The following CFAP92 variants were observed in gnomAD, a reference collection of about 807,000 sequenced individuals.
CFAP92 encodes cilia and flagella associated protein 92 (putative).
Under a neutral mutation model 106.3 loss-of-function variants are expected in CFAP92, and 86 were observed. The ratio of observed to expected loss-of-function variants is 0.81; its 90% CI spans 0.68 to 0.97. The LOEUF (loss-of-function observed/expected upper bound fraction) is 0.97, where lower values mean the gene tolerates loss of function less well. CFAP92 is among the 50% of genes least tolerant of loss of function. The pLI, the probability that CFAP92 is intolerant of heterozygous loss-of-function variation, is 0.00. For missense variants in CFAP92, 1,204 were observed against 1,283.8 expected (o/e 0.94, Z 0.95); for synonymous variants, 477 against 506.4 (o/e 0.94, Z 0.78).
chr3:128,929,785 T>C (rs1452377081), intron 12 of CFAP92, among the ~76,000 whole-genome samples: 1 of 152,352 alleles, frequency 6.6e-6, no homozygotes, highest in East Asian at 1.9e-4. Flanking sequence ...AGAGATTGAC[T>C]GTAAACTAGC....
intron 1 of CFAP92, chr3:129,001,595 G>A (rs997770367): frequency 5.2e-6 from 7 of 1,353,138 alleles, no homozygotes; most frequent in Non-Finnish European, 4.7e-6. Context: ...GGGACCGGAG[G>A]AGGGACCGGA....
intron 12 of CFAP92, among the ~76,000 whole-genome samples, chr3:128,917,768 C>G (rs1459914021): frequency 1.3e-5 from 2 of 152,110 alleles, no homozygotes; most frequent in Admixed American, 1.3e-4. Flanking sequence ...AATGAATGAA[C>G]TGGAATATCC....
At chr3:128,994,155 G>A (rs1287123677), upstream of CFAP92, 4 of 985,580 alleles carry the variant, frequency 4.1e-6, no homozygotes, top group East Asian at 3.4e-4. Context: ...GGAGACGCGA[G>A]GGCGTGCGGC....
At position 128,915,471 on chromosome 3, in the gene CFAP92, C is replaced by T; in HGVS notation, c.3009G>A (p.Lys1003=). The change falls in exon 14 of 16, where the codon AAG becomes AAA. Residue 1003 remains lysine, a synonymous_variant. Transcript: ENST00000645291. The part of the protein sequence containing the change: ...DLKEEEKKAQ[K]KSRQAWLTAR... ...CTGTGAGCCAGGCCTGGCGGGATTT[C>T]TTCTGGGCTTTCTTCTCCTCTTCCT... The T allele has an allele frequency of 6.5e-7, 1 of 1,533,388 alleles. No individual in the cohort carries two copies. Among genetic ancestry groups the T allele is most frequent in the South Asian group, 1.2e-5 (1 of 84,046 alleles). 95.0% of individuals were successfully genotyped at this position (1,533,388 alleles called of 1,614,324 possible).
At position 128,953,820 on chromosome 3, in the gene CFAP92, C is replaced by T. The variant is rs987833379; in HGVS notation, c.1354-7845G>A. On this transcript the variant is annotated intron_variant, in intron 9 of 15. Transcript: ENST00000645291. ...CGGGGTTTCGCTGTGTTGGCCGGGC[C>T]GGTCTCCAGCCCCTAACCGCGAGTG... is the stretch of plus-strand genomic sequence containing the variant. 5.3e-4 allele frequency among the ~76,000 whole-genome samples: 65 copies of T among 122,226 alleles called. 5 individuals carry two copies. In the Middle Eastern group the frequency reaches 0.011, roughly 20 times the overall value. The allele number at this position is 122,226 out of a possible 152,430, so 80.2% of individuals were successfully genotyped here.
intron 7 of CFAP92, among the ~76,000 whole-genome samples, chr3:128,972,105 C>A (rs114063608): frequency 3.3e-5 from 5 of 152,156 alleles, no homozygotes; most frequent in Non-Finnish European, 7.4e-5. Flanking sequence ...ATTGATTATC[C>A]ATATGGGAGC....
intron 15 of CFAP92, among the ~76,000 whole-genome samples, chr3:128,911,217 C>T (rs141633386): frequency 0.018 from 2,764 of 152,142 alleles, 87 homozygotes; most frequent in African/African-American, 0.063. Context: ...CCACCACGCC[C>T]GGCTAATTTT....
the CFAP92 span, among the ~76,000 whole-genome samples, chr3:129,013,001 AT>A: frequency 6.6e-6 from 1 of 152,190 alleles, no homozygotes; most frequent in Admixed American, 6.5e-5. Context: ...AGGATATGCT[AT>A]TTACCCACAA....
intron 10 of CFAP92, among the ~76,000 whole-genome samples, chr3:128,944,813 G>C (rs572376703): frequency 1.3e-5 from 2 of 152,250 alleles, no homozygotes; most frequent in South Asian, 4.2e-4. Context: ...AGTAGCCCTT[G>C]GCTCAGAACC....
At position 128,945,491 on chromosome 3, in the gene CFAP92, T is replaced by A. The variant is rs537227710; in HGVS notation, c.1838A>T (p.Asp613Val). Residue 613 changes from aspartate (D) to valine (V), a missense_variant, in exon 10 of 16, where the codon GAT becomes GTT. Coordinates refer to ENST00000645291, the MANE Select transcript of CFAP92 (RefSeq NM_001394090.1). Reference sequence around the variant, plus strand: ...GGGCATTGGGCCGTGCTGGTGGCCATCTCTGGGGACCCCAAGCCCCACAAC... The same window carrying A: ...GGGCATTGGGCCGTGCTGGTGGCCAACTCTGGGGACCCCAAGCCCCACAAC... ...RKVVGLGVPRDGHQHGPMPRG... is the reference protein window; with the variant it reads ...RKVVGLGVPRVGHQHGPMPRG... 6.5e-7 allele frequency: 1 copy of A among 1,536,136 alleles called. No homozygotes were observed. The highest frequency in any genetic ancestry group is 1.2e-5 in the South Asian group (1 of 84,058).
At chr3:129,024,347 C>T in the CFAP92 span, among the ~76,000 whole-genome samples, 1 of 152,118 alleles carries the variant, frequency 6.6e-6, no homozygotes, top group African/African-American at 2.4e-5. Context: ...GCCTGGCCAA[C>T]ATGGTAAAAC....
chr3:128,919,574 A>AC (rs1937099214), intron 12 of CFAP92, among the ~76,000 whole-genome samples: 3 of 152,234 alleles, frequency 2.0e-5, no homozygotes, highest in Non-Finnish European at 4.4e-5. Flanking sequence ...TCACTGGAGA[A>AC]CAACCAAGGC....
At chr3:128,986,490 G>A (rs1226901008) in intron 4 of CFAP92, among the ~76,000 whole-genome samples, 1 of 151,862 alleles carries the variant, frequency 6.6e-6, no homozygotes, top group Non-Finnish European at 1.5e-5. Context: ...CAAAGTGCTG[G>A]GATTACAGGC....
chr3:128,993,162 G>C lies in CFAP92; in HGVS notation c.143C>G (p.Ser48Cys), dbSNP rs773488529. ...KAKARAQESD[S>C]DRPCSSIESS... ...CTCGATGCTGCTGCACGGGCGGTCAGAGTCAGACTCCTGGGCCCTGGCCTT... is the reference window on the plus strand; with the variant it reads ...CTCGATGCTGCTGCACGGGCGGTCACAGTCAGACTCCTGGGCCCTGGCCTT... The change falls in exon 2 of 16, where the codon TCT (serine) becomes TGT (cysteine). Residue 48 changes from serine (S) to cysteine (C), a missense_variant. Ser to Cys is a moderately radical substitution (Grantham distance 112). Transcript: ENST00000645291. 3.1e-6 allele frequency: 5 copies of C among 1,614,100 alleles called. No individual in the cohort carries two copies. The highest frequency in any genetic ancestry group is 1.7e-5 in the Admixed American group (1 of 60,034).
chr3:128,910,427 A>T, intron 15 of CFAP92, 94 bp from the exon 16 acceptor site: 15 of 1,298,952 alleles, frequency 1.2e-5, no homozygotes, highest in Non-Finnish European at 1.5e-5. Flanking sequence ...GCTGTGCTGG[A>T]GGGAGGCGGG....
At chr3:128,972,169 A>C (rs1009863671) in intron 7 of CFAP92, among the ~76,000 whole-genome samples, 4 of 152,232 alleles carry the variant, frequency 2.6e-5, no homozygotes, top group African/African-American at 9.6e-5. Context: ...TCCAGACTAA[A>C]AGTATAAAAC....
chr3:128,989,552 G>C (rs1183224873), intron 2 of CFAP92, among the ~76,000 whole-genome samples: 6 of 152,036 alleles, frequency 3.9e-5, no homozygotes, highest in Admixed American at 3.3e-4. Context: ...GGAAGGTACA[G>C]ATGGGCTTCT....
chr3:128,977,995 C>G, intron 5 of CFAP92, 50 bp downstream of exon 5: 1 of 1,609,394 alleles, frequency 6.2e-7, no homozygotes, highest in Non-Finnish European at 8.5e-7. Flanking sequence ...AACCGCTTTC[C>G]CTGCCATCGC....
intron 15 of CFAP92, chr3:128,912,423 T>C (rs1576362248): frequency 7.9e-7 from 1 of 1,262,874 alleles, no homozygotes; most frequent in East Asian, 2.4e-5. Flanking sequence ...GGGCTGACTT[T>C]GTGGAAAAAT....
Sources: allele counts gnomAD v4.1 joint callset (sites outside exome capture counted in the v4.1 genomes callset), GRCh38; gene constraint gnomAD v4.1.1; transcripts MANE v1.5; gene names NCBI Gene and HGNC (gene_info 2026-07-23, HGNC 2026-07-21).